The following OGFOD3 variants were observed in gnomAD, a reference collection of about 807,000 sequenced individuals.
OGFOD3 encodes 2-oxoglutarate and iron-dependent oxygenase domain-containing protein 3.
A neutral mutation model predicts 39.8 loss-of-function variants in OGFOD3; 35 were observed. That is an observed-to-expected ratio of 0.88 (90% confidence interval 0.67 to 1.17). The LOEUF (loss-of-function observed/expected upper bound fraction) is 1.17. Ranked by LOEUF, OGFOD3 falls within the 50% of genes most tolerant of loss-of-function variation. The pLI is 0.00. For missense variants in OGFOD3, 438 were observed against 454.5 expected, an observed-to-expected ratio of 0.96 and a Z score of 0.33; for synonymous variants, 200 against 192.0, an observed-to-expected ratio of 1.04 and a Z score of -0.34.
intron 2 of OGFOD3, among the ~76,000 whole-genome samples, chr17:82,411,864 C>T (rs1158597832): frequency 1.3e-5 from 2 of 152,190 alleles, no homozygotes; most frequent in South Asian, 2.1e-4. Context: ...CCACAGGCAC[C>T]GTCAGAAAAC....
chr17:82,408,699 C>T (rs548890148), intron 4 of OGFOD3, among the ~76,000 whole-genome samples: 28 of 152,316 alleles, frequency 1.8e-4, no homozygotes, highest in Admixed American at 9.8e-4. Flanking sequence ...TTCCTCCTCC[C>T]TCTCAAATCT....
At position 82,415,766 on chromosome 17, in the gene OGFOD3, C is replaced by T; in HGVS notation, c.75-139G>A. On this transcript the variant is annotated intron_variant, in intron 1 of 8. Transcript: ENST00000313056. This position sits in a 1 kb window ranked among gnomAD's most constrained non-coding sequence, Gnocchi z 5.3. Reference sequence around the variant, plus strand: ...TGAAACGAGGGCTTCCTGCCTGGGGCCAGCGCTGTCCACTCAGGAAACACG... The same window carrying T: ...TGAAACGAGGGCTTCCTGCCTGGGGTCAGCGCTGTCCACTCAGGAAACACG... 3 of 689,814 alleles carry T rather than the reference C, an allele frequency of 4.3e-6. No homozygotes were observed. Among genetic ancestry groups the T allele is most frequent in the Non-Finnish European group, 7.2e-6 (3 of 418,168 alleles). The allele number at this position is 689,814 out of a possible 1,614,324, so 42.7% of individuals were successfully genotyped here. A position where few individuals can be genotyped will look rare whatever the true frequency, so the allele number is the denominator to read the frequency against.
In OGFOD3 at chr17:82,418,434, C is replaced by T. The variant is rs2053126889; in HGVS notation, c.52G>A (p.Ala18Thr). The T allele has an allele frequency of 1.4e-6, 2 of 1,479,030 alleles. No homozygotes were observed. The highest frequency in any genetic ancestry group is 1.8e-6 in the Non-Finnish European group (2 of 1,120,918). The allele number at this position is 1,479,030 out of a possible 1,614,324, so 91.6% of individuals were successfully genotyped here. A position where few individuals can be genotyped will look rare whatever the true frequency, so the allele number is the denominator to read the frequency against. Residue 18 changes from alanine to threonine, a missense_variant, in exon 1 of 9, where the codon GCC becomes ACC. Ala to Thr is a moderately conservative substitution (Grantham distance 58). Coordinates refer to ENST00000313056, the MANE Select transcript of OGFOD3 (RefSeq NM_024648.3). ...ATKAPEGNGA[A>T]ERRNRSSTKK... The stretch of plus-strand genomic sequence containing the variant: ...TACCTGCTCCGGTTCCGGCGCTCGG[C>T]CGCTCCGTTGCCCTCGGGCGCCTTG...
intron 4 of OGFOD3, among the ~76,000 whole-genome samples, chr17:82,409,013 C>T (rs1247512312): frequency 6.6e-6 from 1 of 152,230 alleles, no homozygotes. Flanking sequence ...CACGGGCTCT[C>T]CTGTGTCCAG....
In OGFOD3 at chr17:82,415,530, G is replaced by C. The variant is rs146973584; in HGVS notation, c.172C>G (p.Leu58Val). 3 of 1,613,504 alleles carry C rather than the reference G, an allele frequency of 1.9e-6. No individual in the cohort carries two copies. The highest frequency in any genetic ancestry group is 1.3e-5 in the African/African-American group (1 of 74,910). The stretch of plus-strand genomic sequence containing the variant: ...GCCCCCAAGCTGCTCCAGAGCAGGA[G>C]TGCGGTGAGCACAAAGCCAGCCCCC... ...GLGAGFVLTA[L>V]LLWSSLGADD... The change falls in exon 2 of 9, where the codon CTC (leucine) becomes GTC (valine). Residue 58 changes from leucine to valine, a missense_variant. Physicochemically the swap from Leu to Val is conservative, Grantham distance 32. Transcript: ENST00000313056. This position sits in a 1 kb window ranked among gnomAD's most constrained non-coding sequence, Gnocchi z 5.3.
chr17:82,410,793 A>T (rs554620211), intron 3 of OGFOD3, among the ~76,000 whole-genome samples: 70 of 130,448 alleles, frequency 5.4e-4, no homozygotes, highest in African/African-American at 2.0e-3. Flanking sequence ...ATCTCGGCTC[A>T]CTGCAATCCC....
intron 4 of OGFOD3, among the ~76,000 whole-genome samples, chr17:82,408,212 A>G (rs1367393696): frequency 6.6e-6 from 1 of 152,256 alleles, no homozygotes; most frequent in Non-Finnish European, 1.5e-5. Context: ...AAAAAGTCAC[A>G]CAGACCATCA....
intron 7 of OGFOD3, among the ~76,000 whole-genome samples, chr17:82,400,224 C>T (rs2052740529): frequency 6.6e-6 from 1 of 151,838 alleles, no homozygotes; most frequent in Admixed American, 6.6e-5. Flanking sequence ...CCCCTCCCAG[C>T]TGCCAGGAGG....
Position 82,415,455 on chromosome 17 carries a change from C to T in OGFOD3, c.247G>A (p.Gly83Arg), listed in dbSNP as rs751740697. ...GAGCAGGGCACCTCGATGAATCTCC[C>T]TGCCACGACCTCGCCACGGCGGGCC... is the stretch of plus-strand genomic sequence containing the variant. ...VLARRGEVVAGRFIEVPCSED... is the reference protein window; with the variant it reads ...VLARRGEVVARRFIEVPCSED... Residue 83 changes from glycine (G) to arginine (R), a missense_variant, in exon 2 of 9, where the codon GGG becomes AGG. Physicochemically the swap from Gly to Arg is moderately radical, Grantham distance 125 (BLOSUM62 -2). Transcript: ENST00000313056. This position sits in a 1 kb window ranked among gnomAD's most constrained non-coding sequence, Gnocchi z 5.3. The T allele has an allele frequency of 2.5e-6, 4 of 1,614,074 alleles. No individual in the cohort carries two copies. Among genetic ancestry groups the T allele is most frequent in the Non-Finnish European group, 3.4e-6 (4 of 1,179,996 alleles).
At chr17:82,413,673 C>T (rs1279786670) in intron 2 of OGFOD3, among the ~76,000 whole-genome samples, 2 of 152,120 alleles carry the variant, frequency 1.3e-5, no homozygotes, top group Non-Finnish European at 2.9e-5. Context: ...AGTTTGAGAT[C>T]AGCCTGGGCA....
In OGFOD3 at chr17:82,415,045, G is replaced by T. The variant is rs189396502; in HGVS notation, c.304+353C>A. 6.6e-6 allele frequency among the ~76,000 whole-genome samples: 1 copy of T among 152,290 alleles called. No homozygotes were observed. Among genetic ancestry groups the T allele is most frequent in the Non-Finnish European group, 1.5e-5 (1 of 68,014 alleles). Reference sequence around the variant, plus strand: ...GAGCTGGGGCACAGGACGGCAGAAGGGCTGCTGGTCGTTTCTTGTTACATT... The same window carrying T: ...GAGCTGGGGCACAGGACGGCAGAAGTGCTGCTGGTCGTTTCTTGTTACATT... On this transcript the variant is annotated intron_variant, in intron 2 of 8. Coordinates refer to ENST00000313056, the MANE Select transcript of OGFOD3 (RefSeq NM_024648.3). The surrounding 1 kb of genome is among the most constrained non-coding windows in gnomAD (Gnocchi z 5.3).
rs1330383809 is a variant in OGFOD3 at position 82,392,073 on chromosome 17, G to A, written c.*325C>T. 4 of 330,796 alleles carry A rather than the reference G, an allele frequency of 1.2e-5. No homozygotes were observed. Among genetic ancestry groups the A allele is most frequent in the East Asian group, 1.3e-4 (2 of 15,706 alleles). The allele number at this position is 330,796 out of a possible 1,614,324, so 20.5% of individuals were successfully genotyped here. ...GGCCGGGGGGTTGCTGAACCTGGACGAGTCCCGGGGGGTTGCTGAACCTGG... is the reference window on the plus strand; with the variant it reads ...GGCCGGGGGGTTGCTGAACCTGGACAAGTCCCGGGGGGTTGCTGAACCTGG... On this transcript the variant is annotated 3_prime_UTR_variant, in exon 9 of 9. Transcript: ENST00000313056. The surrounding 1 kb of genome is among the most constrained non-coding windows in gnomAD (Gnocchi z 4.2).
At chr17:82,394,948 C>T (rs1050298058) in intron 8 of OGFOD3, among the ~76,000 whole-genome samples, 3 of 152,202 alleles carry the variant, frequency 2.0e-5, no homozygotes, top group Non-Finnish European at 4.4e-5. Flanking sequence ...GACCCAACTC[C>T]GGGAGAAGAC....
At chr17:82,407,900 T>TG (rs1171615218) in intron 4 of OGFOD3, among the ~76,000 whole-genome samples, 3 of 152,110 alleles carry the variant, frequency 2.0e-5, no homozygotes, top group Non-Finnish European at 2.9e-5. Flanking sequence ...CCCAGCACTT[T>TG]GGGGGGTCAA....
At position 82,395,764 on chromosome 17, in the gene OGFOD3, T is replaced by C. The variant is rs538555108; in HGVS notation, c.823+2432A>G. On this transcript the variant is annotated intron_variant, in intron 8 of 8. Coordinates refer to ENST00000313056, the MANE Select transcript of OGFOD3 (RefSeq NM_024648.3). ...TGAATCCGGGAGGCGGAGCTTGCAG[T>C]GAGCCGAGATCGCACCACTGCACTC... Among the ~76,000 whole-genome samples the C allele has an allele frequency of 3.0e-4, 46 of 152,058 alleles. No individual in the cohort carries two copies. The East Asian group carries it at 7.9e-3, about 26-fold the overall frequency.
At position 82,398,174 on chromosome 17, in the gene OGFOD3, A is replaced by G. The variant is rs989887877; in HGVS notation, c.823+22T>C. 5.0e-6 allele frequency: 8 copies of G among 1,613,420 alleles called. No homozygotes were observed. The South Asian group carries it at 7.7e-5, about 16-fold the overall frequency. On this transcript the variant is annotated intron_variant, in intron 8 of 8. Transcript: ENST00000313056. Reference sequence around the variant, plus strand: ...TGCCTGAGCCAGGAGCCCCACGCCCAGGCCCCGCCCGCGCCTCCTACCAGC... The same window carrying G: ...TGCCTGAGCCAGGAGCCCCACGCCCGGGCCCCGCCCGCGCCTCCTACCAGC...
chr17:82,411,371 T>C (rs2052939465), intron 3 of OGFOD3, 84 bp downstream of exon 3: 5 of 1,264,230 alleles, frequency 4.0e-6, no homozygotes, highest in South Asian at 2.5e-5. Context: ...ACCACTTTAT[T>C]ACTAACAATG....
rs907893896 is a variant in OGFOD3, at chr17:82,392,743, G to A, written c.824-209C>T. 2 of 644,070 alleles carry A rather than the reference G, an allele frequency of 3.1e-6. No individual in the cohort carries two copies. The highest frequency in any genetic ancestry group is 2.1e-5 in the South Asian group (1 of 48,076). 39.9% of individuals were successfully genotyped at this position (644,070 alleles called of 1,614,324 possible). A position where few individuals can be genotyped will look rare whatever the true frequency, so the allele number is the denominator to read the frequency against. ...CAATGCTCAGGGGCCCTGTGGCGGA[G>A]GAGGGGCCCCCCGGGGCCAGCAGGG... On this transcript the variant is annotated intron_variant, in intron 8 of 8. Transcript: ENST00000313056. This position sits in a 1 kb window ranked among gnomAD's most constrained non-coding sequence, Gnocchi z 4.2.
chr17:82,404,561 G>A lies in OGFOD3; in HGVS notation c.546-471C>T, dbSNP rs182242061. 1.3e-3 allele frequency among the ~76,000 whole-genome samples: 199 copies of A among 151,990 alleles called. 2 individuals are homozygous for A. Among genetic ancestry groups the A allele is most frequent in the African/African-American group, 4.4e-3 (184 of 41,456 alleles). ...CTGTACTGGGGACAAAGGGACTCTC[G>A]CTCAGAAGACCCCATGTGCCAGGCC... On this transcript the variant is annotated intron_variant, in intron 6 of 8. Transcript: ENST00000313056. The surrounding 1 kb of genome is among the most constrained non-coding windows in gnomAD (Gnocchi z 4.5).
Sources: gnomAD v4.1 joint callset for allele counts (sites outside exome capture counted in the v4.1 genomes callset) on GRCh38, gnomAD v4.1.1 for gene constraint, Gnocchi (gnomAD v3.1) non-coding constraint, MANE v1.5 for transcripts, NCBI Gene and HGNC (gene_info 2026-07-23, HGNC 2026-07-21) for gene names.